Variants in ATP13A5 observed in about 807,000 individuals in gnomAD.
ATP13A5 encodes the protein probable cation-transporting ATPase 13A5.
ATP13A5 carries 149 observed loss-of-function variants against 150.2 expected under a neutral mutation model. The observed-to-expected ratio is 0.99, with a 90% CI of 0.87 to 1.14. The LOEUF (loss-of-function observed/expected upper bound fraction) is 1.14, where lower values mean the gene tolerates loss of function less well. Ranked by LOEUF, ATP13A5 falls within the 50% of genes most tolerant of loss-of-function variation. The probability of loss-of-function intolerance (pLI) is 0.00; values close to 1 mark genes in which losing one functional copy is unlikely to be tolerated. For missense variants in ATP13A5, 1,383 were observed against 1,449.3 expected, an observed-to-expected ratio of 0.95 and a Z score of 0.74; for synonymous variants, 497 against 522.2, an observed-to-expected ratio of 0.95 and a Z score of 0.66.
chr3:193,354,076 T>A, intron 6 of ATP13A5, 51 bp downstream of exon 6: 1 of 1,473,992 alleles, frequency 6.8e-7, no homozygotes, highest in South Asian at 1.2e-5. Context: ...AAGTAAGAAG[T>A]AAGGGGCAGA....
intron 12 of ATP13A5, among the ~76,000 whole-genome samples, chr3:193,329,015 G>A (rs1560135358): frequency 6.6e-6 from 1 of 152,194 alleles, no homozygotes; most frequent in East Asian, 1.9e-4. Context: ...GGGAGGCCGA[G>A]GAGGGTGGAT....
chr3:193,332,477 A>G (rs1328733661), intron 11 of ATP13A5, among the ~76,000 whole-genome samples: 1 of 152,204 alleles, frequency 6.6e-6, no homozygotes, highest in East Asian at 1.9e-4. Flanking sequence ...TTTTCCTCAC[A>G]TGCTCTAGAT....
intron 9 of ATP13A5, among the ~76,000 whole-genome samples, chr3:193,338,661 C>T (rs576922804): frequency 1.0e-3 from 152 of 152,222 alleles, no homozygotes; most frequent in Non-Finnish European, 1.6e-3. Flanking sequence ...ATTTTTGCAT[C>T]GATGTTCATC....
chr3:193,363,733 AT>A (rs1388131586), intron 2 of ATP13A5, among the ~76,000 whole-genome samples: 1 of 152,236 alleles, frequency 6.6e-6, no homozygotes, highest in African/African-American at 2.4e-5. Flanking sequence ...GGTGCTTAAA[AT>A]GTGTAATATC....
intron 3 of ATP13A5, 93 bp from the exon 4 acceptor site, chr3:193,362,730 T>G (rs959776701): frequency 3.8e-5 from 42 of 1,102,370 alleles, no homozygotes; most frequent in Non-Finnish European, 5.9e-5. Context: ...CAGATCCCCT[T>G]GTGGGTCTCA....
At chr3:193,302,757 T>C (rs1718450794) in intron 23 of ATP13A5, among the ~76,000 whole-genome samples, 1 of 152,204 alleles carries the variant, frequency 6.6e-6, no homozygotes, top group African/African-American at 2.4e-5. Flanking sequence ...ATCCGTGGAT[T>C]TGATCCTATG....
At chr3:193,291,267 G>A (rs145781939) in intron 25 of ATP13A5, among the ~76,000 whole-genome samples, 31 of 152,060 alleles carry the variant, frequency 2.0e-4, no homozygotes, top group East Asian at 1.4e-3. Flanking sequence ...ATGTTTTCCC[G>A]GCAGGGTGCT....
intron 11 of ATP13A5, among the ~76,000 whole-genome samples, chr3:193,331,852 C>T (rs1011178274): frequency 6.6e-6 from 1 of 152,162 alleles, no homozygotes; most frequent in Non-Finnish European, 1.5e-5. Context: ...CTATTATTTT[C>T]TCCATTTAAC....
At chr3:193,307,029 G>C (rs964451848) in intron 22 of ATP13A5, 21 of 833,274 alleles carry the variant, frequency 2.5e-5, no homozygotes, top group Non-Finnish European at 3.0e-5. Context: ...CTGATAACAG[G>C]AAAGATTTAA....
intron 16 of ATP13A5, 33 bp from the exon 17 acceptor site, chr3:193,319,141 G>T: frequency 6.5e-7 from 1 of 1,541,586 alleles, no homozygotes; most frequent in Non-Finnish European, 9.0e-7. Context: ...TAAGTGTAAG[G>T]TCATGTTGAA....
chr3:193,294,365 T>C (rs1338514818), intron 25 of ATP13A5, among the ~76,000 whole-genome samples: 1 of 152,104 alleles, frequency 6.6e-6, no homozygotes, highest in Admixed American at 6.6e-5. Flanking sequence ...TTTGAGGAGT[T>C]CTTGTTGAAG....
At chr3:193,326,393 G>A (rs1203457317) in intron 13 of ATP13A5, among the ~76,000 whole-genome samples, 2 of 152,162 alleles carry the variant, frequency 1.3e-5, no homozygotes, top group African/African-American at 2.4e-5. Context: ...GCCCACAGCT[G>A]TAAAAATTCT....
chr3:193,357,734 G>A (rs1712845763), intron 5 of ATP13A5, among the ~76,000 whole-genome samples: 1 of 152,184 alleles, frequency 6.6e-6, no homozygotes, highest in Non-Finnish European at 1.5e-5. Context: ...AAGAAGAGTT[G>A]CTTTGGAGGT....
chr3:193,275,410 G>A, intron 29 of ATP13A5, 108 bp from the exon 30 acceptor site: 1 of 1,272,412 alleles, frequency 7.9e-7, no homozygotes, highest in South Asian at 1.4e-5. Flanking sequence ...TCTGAGGTGT[G>A]CTCATTGCTG....
At chr3:193,281,304 T>TCA in intron 27 of ATP13A5, 1 of 590,792 alleles carries the variant, frequency 1.7e-6, no homozygotes, top group Non-Finnish European at 2.1e-6. Flanking sequence ...TGCACATCAC[T>TCA]GTCTAATGGT....
chr3:193,335,064 G>A lies in ATP13A5; in HGVS notation c.979C>T (p.Gln327Ter). 6.2e-7 allele frequency: 1 copy of A among 1,613,872 alleles called. No individual in the cohort carries two copies. Among genetic ancestry groups the A allele is most frequent in the Non-Finnish European group, 8.5e-7 (1 of 1,179,788 alleles). Residue 327 changes from glutamine (Q) to a stop codon, truncating the protein, a stop_gained, in exon 10 of 30, where the codon CAG (glutamine) becomes TAG (stop). Transcript: ENST00000342358. LOFTEE classifies it high-confidence loss of function. Reference protein sequence around the residue: ...SIPVTKTPLPQMENTMPWKCH... With the variant: ...SIPVTKTPLP ...TTCCAAGGCATAGTGTTCTCCATCT[G>A]GGGCAATGGTGTCTTTGTAACAGGT...
At chr3:193,276,652 T>G (rs1717221683) in intron 29 of ATP13A5, 98 bp downstream of exon 29, 2 of 807,798 alleles carry the variant, frequency 2.5e-6, no homozygotes, top group Non-Finnish European at 2.0e-6. Context: ...ACTGTCATTT[T>G]GGGGGATCAA....
chr3:193,315,137 G>T (rs189355185), intron 17 of ATP13A5, 41 bp from the exon 18 acceptor site: 1 of 1,578,086 alleles, frequency 6.3e-7, no homozygotes, highest in Non-Finnish European at 8.6e-7. Flanking sequence ...GTATATCTAC[G>T]TAGGCTCCAT....
intron 28 of ATP13A5, 87 bp from the exon 29 acceptor site, chr3:193,276,917 T>C: frequency 9.9e-7 from 1 of 1,012,870 alleles, no homozygotes; most frequent in Non-Finnish European, 1.5e-6. Flanking sequence ...TATAGATTTG[T>C]AATAACTCTC....
Sources: gnomAD v4.1 joint callset for allele counts (sites outside exome capture counted in the v4.1 genomes callset) on GRCh38, gnomAD v4.1.1 for gene constraint, MANE v1.5 for transcripts, NCBI Gene and HGNC (gene_info 2026-07-23, HGNC 2026-07-21) for gene names.